The following TEX14 variants were observed in gnomAD, a reference collection of about 807,000 sequenced individuals.
TEX14 encodes testis expressed 14, intercellular bridge forming factor.
A neutral mutation model predicts 178.6 loss-of-function variants in TEX14; 168 were observed. The observed-to-expected ratio is 0.94, with a 90% CI of 0.83 to 1.07. The LOEUF (loss-of-function observed/expected upper bound fraction) is 1.07, where lower values mean the gene tolerates loss of function less well. Ranked by LOEUF, TEX14 falls within the 50% of genes least tolerant of loss-of-function variation. The pLI, the probability that TEX14 is intolerant of heterozygous loss-of-function variation, is 0.00. For missense variants in TEX14, 1,730 were observed against 1,753.6 expected, an observed-to-expected ratio of 0.99 and a Z score of 0.24; for synonymous variants, 626 against 634.1, an observed-to-expected ratio of 0.99 and a Z score of 0.19.
intron 23 of TEX14, among the ~76,000 whole-genome samples, chr17:58,572,564 G>A (rs902007981): frequency 4.0e-5 from 6 of 151,630 alleles, no homozygotes; most frequent in East Asian, 3.9e-4. Context: ...CCCGGGAGGC[G>A]GAGCTTGCAG....
At position 58,574,119 on chromosome 17, in the gene TEX14, A is replaced by T. The variant is rs1397900811; in HGVS notation, c.3383+68T>A. The T allele has an allele frequency of 3.2e-6, 4 of 1,244,906 alleles. No homozygotes were observed. The African/African-American group carries it at 4.4e-5, about 14-fold the overall frequency. The allele number at this position is 1,244,906 out of a possible 1,614,324, so 77.1% of individuals were successfully genotyped here. A position where few individuals can be genotyped will look rare whatever the true frequency, so the allele number is the denominator to read the frequency against. On this transcript the variant is annotated intron_variant, in intron 22 of 31. Transcript: ENST00000349033. ...AAATGGAAAGATCCTTACAAACAAG[A>T]ATATACTATTCCCTTAAAACCAAGA...
intron 1 of TEX14, among the ~76,000 whole-genome samples, chr17:58,666,947 G>C (rs1228147366): frequency 6.6e-6 from 1 of 152,178 alleles, no homozygotes; most frequent in Non-Finnish European, 1.5e-5. Context: ...TGGCTGGTCA[G>C]AGAGCGCAAC....
rs1718867097 is a variant in TEX14, at chr17:58,601,994, G to A, written c.1528-38C>T. On this transcript the variant is annotated intron_variant, in intron 12 of 31. Transcript: ENST00000349033. The stretch of plus-strand genomic sequence containing the variant: ...AAATATTGTCAAGGACATAGTCTCA[G>A]TCATCCTGAATGTCACTGGTGCTTT... 4 of 1,607,342 alleles carry A rather than the reference G, an allele frequency of 2.5e-6. No individual in the cohort carries two copies. In the East Asian group the frequency reaches 8.9e-5, roughly 36 times the overall value.
At chr17:58,613,301 G>A (rs1438048016) in intron 9 of TEX14, 120 bp downstream of exon 9, 1 of 1,281,268 alleles carries the variant, frequency 7.8e-7, no homozygotes, top group Non-Finnish European at 1.1e-6. Flanking sequence ...TAAAGCAAAA[G>A]AATAAAGATA....
chr17:58,648,674 G>C (rs947846447), intron 2 of TEX14, among the ~76,000 whole-genome samples: 8 of 151,970 alleles, frequency 5.3e-5, no homozygotes, highest in African/African-American at 1.9e-4. Context: ...CATCTCTCTT[G>C]CCTGCAAGCA....
At chr17:58,641,924 G>T (rs2046585549) in intron 2 of TEX14, among the ~76,000 whole-genome samples, 2 of 152,174 alleles carry the variant, frequency 1.3e-5, no homozygotes, top group African/African-American at 4.8e-5. Context: ...ACTGCTGAAG[G>T]AACCACAGTT....
chr17:58,690,813 C>T (rs547711670), intron 1 of TEX14, among the ~76,000 whole-genome samples: 33 of 152,202 alleles, frequency 2.2e-4, no homozygotes, highest in African/African-American at 7.7e-4. Context: ...CTTAATAGCT[C>T]GGGGTAGTAA....
chr17:58,666,606 AT>A (rs2047214935), intron 1 of TEX14: 1 of 152,184 alleles, frequency 6.6e-6, no homozygotes, highest in Non-Finnish European at 1.5e-5. Flanking sequence ...ATTTGGGGAA[AT>A]CGTAGGGATC....
intron 1 of TEX14, among the ~76,000 whole-genome samples, chr17:58,668,374 C>T: frequency 6.6e-6 from 1 of 152,198 alleles, no homozygotes; most frequent in East Asian, 1.9e-4. Context: ...CTACCAAAGC[C>T]TCTTCTACTG....
chr17:58,610,818 G>A (rs866378679), intron 10 of TEX14, among the ~76,000 whole-genome samples: 2 of 151,914 alleles, frequency 1.3e-5, no homozygotes, highest in Admixed American at 6.6e-5. Context: ...CCCAGGAGGC[G>A]GAGGTTGCAG....
chr17:58,570,819 C>T (rs959511506), intron 24 of TEX14, among the ~76,000 whole-genome samples: 2 of 151,818 alleles, frequency 1.3e-5, no homozygotes, highest in East Asian at 1.9e-4. Context: ...TTAGTAGAGA[C>T]GGGGTTTCAT....
chr17:58,644,110 G>A (rs535150667), intron 2 of TEX14, among the ~76,000 whole-genome samples: 2 of 152,050 alleles, frequency 1.3e-5, no homozygotes, highest in African/African-American at 4.8e-5. Flanking sequence ...CCTCTAGGGA[G>A]AGGAGAGGGG....
At chr17:58,594,250 T>C (rs1300153521) in intron 14 of TEX14, among the ~76,000 whole-genome samples, 2 of 152,090 alleles carry the variant, frequency 1.3e-5, no homozygotes, top group African/African-American at 4.8e-5. Flanking sequence ...CCTGAGCATT[T>C]TCCCCCTCCT....
chr17:58,560,935 A>C (rs772072401), intron 29 of TEX14, among the ~76,000 whole-genome samples: 2 of 152,206 alleles, frequency 1.3e-5, no homozygotes, highest in Admixed American at 6.5e-5. Context: ...TGCCTTCCTC[A>C]GGAAGAATTT....
chr17:58,646,097 T>A (rs1193279182), intron 2 of TEX14, among the ~76,000 whole-genome samples: 1 of 152,194 alleles, frequency 6.6e-6, no homozygotes. Flanking sequence ...AATCCACAAA[T>A]GTGGAACCCA....
intron 1 of TEX14, among the ~76,000 whole-genome samples, chr17:58,652,535 C>G (rs1049775564): frequency 6.6e-6 from 1 of 152,176 alleles, no homozygotes; most frequent in Non-Finnish European, 1.5e-5. Context: ...GAGGCCTCCC[C>G]AGCACTGCAG....
chr17:58,663,212 C>A (rs1337115110), intron 1 of TEX14, among the ~76,000 whole-genome samples: 1 of 151,726 alleles, frequency 6.6e-6, no homozygotes, highest in African/African-American at 2.4e-5. Context: ...CACCTGAGGT[C>A]GGGAGTTCAA....
intron 2 of TEX14, chr17:58,631,211 CAGCTCTTTGGGA>C (rs1347071535): frequency 5.5e-6 from 5 of 913,202 alleles, no homozygotes; most frequent in African/African-American, 1.8e-5. Flanking sequence ...CCTGTAATGC[CAGCTCTTTGGGA>C]AGCCGAGGCG....
At chr17:58,676,184 T>C (rs1188793813) in intron 1 of TEX14, among the ~76,000 whole-genome samples, 2 of 152,124 alleles carry the variant, frequency 1.3e-5, no homozygotes, top group African/African-American at 4.8e-5. Context: ...AAGCCCAGCC[T>C]GGCCAAAATG....
Sources: allele counts gnomAD v4.1 joint callset (sites outside exome capture counted in the v4.1 genomes callset), GRCh38; gene constraint gnomAD v4.1.1; transcripts MANE v1.5; gene names NCBI Gene and HGNC (gene_info 2026-07-23, HGNC 2026-07-21).